TSPAN3: variants seen among roughly 807,000 people sequenced by gnomAD.
TSPAN3 encodes the protein tetraspanin-3.
A neutral mutation model predicts 31.1 loss-of-function variants in TSPAN3; 9 were observed. That is an observed-to-expected ratio of 0.29 (90% CI 0.17 to 0.50). The LOEUF is 0.50. Ranked by LOEUF, TSPAN3 falls within the 20% of genes least tolerant of loss-of-function variation. The pLI, the probability that TSPAN3 is intolerant of heterozygous loss-of-function variation, is 0.98. For missense variants in TSPAN3, 252 were observed against 313.5 expected (o/e 0.80, Z 1.48); for synonymous variants, 129 against 114.3 (o/e 1.13, Z -0.82).
chr15:77,066,655 C>T (rs1384714761), intron 1 of TSPAN3, among the ~76,000 whole-genome samples: 1 of 149,358 alleles, frequency 6.7e-6, no homozygotes, highest in African/African-American at 2.5e-5. Context: ...TCAATAAATC[C>T]TCATGGGTCC....
intron 1 of TSPAN3, among the ~76,000 whole-genome samples, chr15:77,070,314 G>A (rs1596174454): frequency 6.6e-6 from 1 of 152,278 alleles, no homozygotes; most frequent in African/African-American, 2.4e-5. Flanking sequence ...CGATGTTCTT[G>A]GTCAATGGAT....
intron 1 of TSPAN3, among the ~76,000 whole-genome samples, chr15:77,065,071 C>A (rs11853683): frequency 6.6e-6 from 1 of 152,250 alleles, no homozygotes; most frequent in Non-Finnish European, 1.5e-5. Flanking sequence ...TTACAGCCTA[C>A]AGCCTGTTCC....
rs1396478094 is a variant in TSPAN3 at position 77,070,881 on chromosome 15, G to A, written c.63+11C>T. On this transcript the variant is annotated intron_variant, in intron 1 of 6. Coordinates refer to ENST00000267970, the MANE Select transcript of TSPAN3 (RefSeq NM_005724.6). ...CGCCGCCGGCCCCTCGCTCTGCCCG[G>A]CCCCGCTCACCCAGAAGATGAGGTT... 2.9e-6 allele frequency: 4 copies of A among 1,378,114 alleles called. No homozygotes were observed. The highest frequency in any genetic ancestry group is 3.8e-6 in the Non-Finnish European group (4 of 1,051,858). The allele number at this position is 1,378,114 out of a possible 1,614,324, so 85.4% of individuals were successfully genotyped here. A position where few individuals can be genotyped will look rare whatever the true frequency, so the allele number is the denominator to read the frequency against.
chr15:77,048,053 A>G (rs189636638), intron 6 of TSPAN3, among the ~76,000 whole-genome samples: 35 of 152,294 alleles, frequency 2.3e-4, no homozygotes, highest in Non-Finnish European at 4.6e-4. Context: ...TTCGGGATAT[A>G]TATTTCCTGC....
chr15:77,052,610 C>T, intron 5 of TSPAN3, 142 bp from the exon 6 acceptor site: 1 of 1,102,618 alleles, frequency 9.1e-7, no homozygotes, highest in Non-Finnish European at 1.3e-6. Flanking sequence ...GTATAATTTA[C>T]AGACATGTAA....
rs572742474 is a variant in TSPAN3, at chr15:77,057,976, T to G, written c.64-1721A>C. ...ATAGCAAAAGGTACCAGACATCTAA[T>G]TTTTCTGGTCAAACATCTGAGGATT... is the stretch of plus-strand genomic sequence containing the variant. On this transcript the variant is annotated intron_variant, in intron 1 of 6. Coordinates refer to ENST00000267970, the MANE Select transcript of TSPAN3 (RefSeq NM_005724.6). Among the ~76,000 whole-genome samples the G allele has an allele frequency of 5.3e-5, 8 of 152,278 alleles. No homozygotes were observed. In the East Asian group the frequency reaches 1.5e-3, roughly 29 times the overall value.
intron 1 of TSPAN3, among the ~76,000 whole-genome samples, chr15:77,059,106 G>A (rs560930848): frequency 2.6e-5 from 4 of 151,862 alleles, no homozygotes; most frequent in South Asian, 2.1e-4. Flanking sequence ...TTTTTGAGAC[G>A]GAGTCTCACT....
At chr15:77,059,945 C>T (rs1335047280) in intron 1 of TSPAN3, among the ~76,000 whole-genome samples, 1 of 152,164 alleles carries the variant, frequency 6.6e-6, no homozygotes, top group Admixed American at 6.5e-5. Context: ...CCTCTCCCCC[C>T]TAAAAGAGGC....
At position 77,041,522 on chromosome 15, in the gene TSPAN3, T is replaced by A. The variant is rs1049909170; in HGVS notation, c.*5313A>T. The stretch of plus-strand genomic sequence containing the variant: ...GCCTCAGCCTCCCAAGTAGCTGGGA[T>A]TACAGGTGCATGCCACCAGGCCCTG... On this transcript the variant is annotated 3_prime_UTR_variant, in exon 7 of 7. Transcript: ENST00000267970. 1 of 151,998 alleles carries A rather than the reference T, an allele frequency of 6.6e-6. No individual in the cohort carries two copies. The highest frequency in any genetic ancestry group is 2.4e-5 in the African/African-American group (1 of 41,366). 9.4% of individuals were successfully genotyped at this position (151,998 alleles called of 1,614,324 possible). A position where few individuals can be genotyped will look rare whatever the true frequency, so the allele number is the denominator to read the frequency against.
rs909947995 is a variant in TSPAN3, at chr15:77,043,437, G to A, written c.*3398C>T. 6.6e-6 allele frequency: 1 copy of A among 152,202 alleles called. No individual in the cohort carries two copies. Among genetic ancestry groups the A allele is most frequent in the African/African-American group, 2.4e-5 (1 of 41,440 alleles). 9.4% of individuals were successfully genotyped at this position (152,202 alleles called of 1,614,324 possible). ...GATGATCAAAACGAACATCCCCACTGTGGGGCAGATGGGCATTGTGTGCCT... is the reference window on the plus strand; with the variant it reads ...GATGATCAAAACGAACATCCCCACTATGGGGCAGATGGGCATTGTGTGCCT... On this transcript the variant is annotated 3_prime_UTR_variant, in exon 7 of 7. Coordinates refer to ENST00000267970, the MANE Select transcript of TSPAN3 (RefSeq NM_005724.6).
intron 1 of TSPAN3, among the ~76,000 whole-genome samples, chr15:77,065,075 C>T (rs2076823769): frequency 6.6e-6 from 1 of 152,216 alleles, no homozygotes; most frequent in Admixed American, 6.5e-5. Context: ...AGCCTACAGC[C>T]TGTTCCTTCA....
Position 77,055,834 on chromosome 15 carries a change from G to A in TSPAN3, c.285C>T (p.Val95=). 2 of 1,611,144 alleles carry A rather than the reference G, an allele frequency of 1.2e-6. No homozygotes were observed. Among genetic ancestry groups the A allele is most frequent in the Non-Finnish European group, 1.7e-6 (2 of 1,179,278 alleles). The change falls in exon 3 of 7, where the codon GTC becomes GTT. Residue 95 remains valine, a synonymous_variant. Transcript: ENST00000267970. ...TFVIILLLVF[V]TEVVVVVLGY... ...CCAAAACCACTACAACAACTTCTGTGACAAAAACCAAGAGCAGGATGATGA... is the reference window on the plus strand; with the variant it reads ...CCAAAACCACTACAACAACTTCTGTAACAAAAACCAAGAGCAGGATGATGA...
At chr15:77,052,263 C>T in intron 6 of TSPAN3, 122 bp downstream of exon 6, 1 of 807,338 alleles carries the variant, frequency 1.2e-6, no homozygotes, top group South Asian at 1.6e-5. Context: ...AGGCCAGTAC[C>T]TCAGTCACTT....
At chr15:77,053,451 CAAA>C (rs60483848) in intron 4 of TSPAN3, among the ~76,000 whole-genome samples, 54 of 50,232 alleles carry the variant, frequency 1.1e-3, no homozygotes, top group Non-Finnish European at 1.4e-3. Flanking sequence ...TTCGCCATCT[CAAA>C]AAAAAAAAAA....
chr15:77,061,298 C>G (rs1047466396), intron 1 of TSPAN3, among the ~76,000 whole-genome samples: 2 of 152,130 alleles, frequency 1.3e-5, no homozygotes, highest in Non-Finnish European at 2.9e-5. Context: ...GAGGCCAAGG[C>G]CGGCAGATCA....
intron 1 of TSPAN3, among the ~76,000 whole-genome samples, chr15:77,060,064 G>GATAGACTTTTCTGATAGA (rs2076791470): frequency 6.6e-6 from 1 of 152,184 alleles, no homozygotes; most frequent in African/African-American, 2.4e-5. Flanking sequence ...TTGTAAAGCT[G>GATAGACTTTTCTGATAGA]CCTCTTCTTT....
At chr15:77,047,352 G>A (rs1938509739) in intron 6 of TSPAN3, among the ~76,000 whole-genome samples, 1 of 152,202 alleles carries the variant, frequency 6.6e-6, no homozygotes, top group Non-Finnish European at 1.5e-5. Flanking sequence ...AGACACATGT[G>A]GCTAGTGGCT....
chr15:77,061,682 A>G (rs1315579714), intron 1 of TSPAN3, among the ~76,000 whole-genome samples: 3 of 152,228 alleles, frequency 2.0e-5, no homozygotes, highest in Non-Finnish European at 2.9e-5. Context: ...CCAAAAGTAT[A>G]CCTACATGGA....
intron 1 of TSPAN3, chr15:77,064,862 C>G (rs1221272730): frequency 1.3e-5 from 2 of 152,202 alleles, no homozygotes; most frequent in Non-Finnish European, 2.9e-5. Context: ...TCCAGGATAT[C>G]AGATGCAGGT....
Sources: gnomAD v4.1 joint callset for allele counts (sites outside exome capture counted in the v4.1 genomes callset) on GRCh38, gnomAD v4.1.1 for gene constraint, MANE v1.5 for transcripts, NCBI Gene and HGNC (gene_info 2026-07-23, HGNC 2026-07-21) for gene names.